The following MLLT3 variants were observed in gnomAD, a reference collection of about 807,000 sequenced individuals.
The protein encoded by MLLT3 is MLLT3 super elongation complex subunit, also known as protein AF-9.
Under a neutral mutation model 53.2 loss-of-function variants are expected in MLLT3, and 4 were observed. That is an observed-to-expected ratio of 0.08 (90% confidence interval 0.04 to 0.17). The LOEUF (loss-of-function observed/expected upper bound fraction) is 0.17, where lower values mean the gene tolerates loss of function less well. Ranked by LOEUF, MLLT3 falls within the 10% of genes least tolerant of loss-of-function variation. MLLT3 has a pLI of 1.00. For synonymous variants in MLLT3, 283 were observed against 230.6 expected (o/e 1.23, Z -2.06); for missense variants, 569 against 684.0 (o/e 0.83, Z 1.87).
chr9:20,441,696 A>G (rs1189602275), intron 4 of MLLT3, among the ~76,000 whole-genome samples: 3 of 152,182 alleles, frequency 2.0e-5, no homozygotes, highest in East Asian at 1.9e-4. Flanking sequence ...AGAATTATAT[A>G]TATCAGAAAA....
chr9:20,451,045 T>C (rs1823827057), intron 3 of MLLT3, among the ~76,000 whole-genome samples: 1 of 152,184 alleles, frequency 6.6e-6, no homozygotes, highest in Admixed American at 6.5e-5. Flanking sequence ...TAGCATTGCT[T>C]AGAATAGCAA....
intron 8 of MLLT3, among the ~76,000 whole-genome samples, chr9:20,357,260 C>CT (rs1821193528): frequency 6.6e-6 from 1 of 152,218 alleles, no homozygotes; most frequent in Admixed American, 6.5e-5. Flanking sequence ...CCCTCCCTCC[C>CT]TGCCAAGCTT....
At chr9:20,521,775 T>G (rs1345226484) in intron 2 of MLLT3, among the ~76,000 whole-genome samples, 1 of 152,194 alleles carries the variant, frequency 6.6e-6, no homozygotes, top group Non-Finnish European at 1.5e-5. Flanking sequence ...GAAAAATCCC[T>G]TATTGTTCGT....
chr9:20,452,733 G>T (rs1056242740), intron 3 of MLLT3, among the ~76,000 whole-genome samples: 1 of 152,140 alleles, frequency 6.6e-6, no homozygotes, highest in Non-Finnish European at 1.5e-5. Flanking sequence ...GGACCTTGGG[G>T]AATAAGCCAG....
At chr9:20,358,974 G>A (rs1452090400) in intron 8 of MLLT3, among the ~76,000 whole-genome samples, 2 of 151,598 alleles carry the variant, frequency 1.3e-5, no homozygotes, top group East Asian at 1.9e-4. Flanking sequence ...GTGAAACCCC[G>A]TCTCTACTAA....
chr9:20,513,531 A>C (rs570575369), intron 2 of MLLT3, among the ~76,000 whole-genome samples: 3 of 152,322 alleles, frequency 2.0e-5, no homozygotes, highest in Admixed American at 1.3e-4. Context: ...CCAGGGAACT[A>C]ACCAAGCAGG....
At chr9:20,487,054 C>T (rs1010755090) in intron 2 of MLLT3, among the ~76,000 whole-genome samples, 2 of 152,128 alleles carry the variant, frequency 1.3e-5, no homozygotes, top group South Asian at 4.2e-4. Flanking sequence ...ATTAATCAGA[C>T]TATAAAAAAT....
chr9:20,373,460 C>G (rs747147376), intron 5 of MLLT3, among the ~76,000 whole-genome samples: 2 of 152,186 alleles, frequency 1.3e-5, no homozygotes, highest in African/African-American at 2.4e-5. Flanking sequence ...AGGTAGATCA[C>G]AGGGGAGGCC....
rs143000459 is a variant in MLLT3, at chr9:20,454,009, C to A, written c.276+2695G>T. On this transcript the variant is annotated intron_variant, in intron 3 of 10. Transcript: ENST00000380338. Reference sequence around the variant, plus strand: ...AACTAGAAAATAGAAATAAGCTAATCTATATACTAAACAGAAAATCTACGA... The same window carrying A: ...AACTAGAAAATAGAAATAAGCTAATATATATACTAAACAGAAAATCTACGA... 1.1e-4 allele frequency among the ~76,000 whole-genome samples: 16 copies of A among 152,178 alleles called. No individual in the cohort carries two copies. The East Asian group carries it at 3.1e-3, about 29-fold the overall frequency.
At chr9:20,622,158 A>G in intron 1 of MLLT3, 87 bp downstream of exon 1, 7 of 1,409,592 alleles carry the variant, frequency 5.0e-6, no homozygotes, top group Non-Finnish European at 6.9e-6. Context: ...GGAACCGCGG[A>G]GCGCTGGCGC....
intron 2 of MLLT3, among the ~76,000 whole-genome samples, chr9:20,583,819 C>A (rs995929752): frequency 6.6e-6 from 1 of 152,140 alleles, no homozygotes; most frequent in Non-Finnish European, 1.5e-5. Flanking sequence ...GGACTCTGGG[C>A]ATGTGATGGA....
intron 4 of MLLT3, among the ~76,000 whole-genome samples, chr9:20,442,109 G>T (rs189889576): frequency 1.0e-3 from 155 of 152,230 alleles, no homozygotes; most frequent in Admixed American, 2.1e-3. Context: ...GAAAGGAAAT[G>T]AAAATGGCTT....
At chr9:20,484,134 G>C (rs1428278611) in intron 2 of MLLT3, among the ~76,000 whole-genome samples, 3 of 151,916 alleles carry the variant, frequency 2.0e-5, no homozygotes, top group Non-Finnish European at 4.4e-5. Flanking sequence ...ATTATTTATG[G>C]GCACATGAAC....
At chr9:20,392,251 TA>T (rs1178275798) in intron 5 of MLLT3, among the ~76,000 whole-genome samples, 1 of 152,210 alleles carries the variant, frequency 6.6e-6, no homozygotes, top group Non-Finnish European at 1.5e-5. Context: ...CTGGTAATTG[TA>T]AGAACCTTCA....
chr9:20,582,479 T>G (rs939513691), intron 2 of MLLT3, among the ~76,000 whole-genome samples: 1 of 152,218 alleles, frequency 6.6e-6, no homozygotes, highest in Non-Finnish European at 1.5e-5. Flanking sequence ...GTTATAAAAT[T>G]GAAGTCATAT....
chr9:20,491,020 C>G (rs1334714054), intron 2 of MLLT3, among the ~76,000 whole-genome samples: 1 of 152,020 alleles, frequency 6.6e-6, no homozygotes, highest in Non-Finnish European at 1.5e-5. Flanking sequence ...TTTTAAAGAT[C>G]AGAAAACTTT....
rs747298605 is a variant in MLLT3 at position 20,414,312 on chromosome 9, A to ACTGCTGCTGCTG, written c.522_533dup (p.Ser187_Ser190dup). On this transcript the variant is annotated inframe_insertion, in exon 5 of 11. Coordinates refer to ENST00000380338, the MANE Select transcript of MLLT3 (RefSeq NM_004529.4). ...TGCTGCTGCTGCTACTGCTGCTGCT[A>ACTGCTGCTGCTG]CTGCTGCTGCTGCTGCTGCTGCTGC... The ACTGCTGCTGCTG allele has an allele frequency of 2.8e-5, 44 of 1,564,966 alleles. No individual in the cohort carries two copies. Among genetic ancestry groups the ACTGCTGCTGCTG allele is most frequent in the African/African-American group, 1.8e-4 (13 of 72,746 alleles).
At chr9:20,460,596 G>C (rs1824081781) in intron 2 of MLLT3, among the ~76,000 whole-genome samples, 3 of 152,042 alleles carry the variant, frequency 2.0e-5, no homozygotes, top group South Asian at 4.1e-4. Flanking sequence ...TCCTCCACTA[G>C]ACAGACCCCC....
intron 2 of MLLT3, among the ~76,000 whole-genome samples, chr9:20,480,746 CTT>C (rs2118904268): frequency 6.6e-6 from 1 of 152,266 alleles, no homozygotes; most frequent in East Asian, 1.9e-4. Flanking sequence ...CCTTTGTACA[CTT>C]TTGGAAGTGA....
Sources: gnomAD v4.1 joint callset for allele counts (sites outside exome capture counted in the v4.1 genomes callset) on GRCh38, gnomAD v4.1.1 for gene constraint, MANE v1.5 for transcripts, NCBI Gene and HGNC (gene_info 2026-07-23, HGNC 2026-07-21) for gene names.